The following TMEFF2 variants were observed in gnomAD, a reference collection of about 807,000 sequenced individuals.
TMEFF2 encodes the protein transmembrane protein with EGF like and two follistatin like domains 2.
In TMEFF2, 28 loss-of-function variants were observed where a neutral mutation model predicts 53.8. The observed-to-expected ratio is 0.52, with a 90% confidence interval of 0.39 to 0.71. TMEFF2 has a LOEUF of 0.71. TMEFF2 is among the 30% of genes least tolerant of loss of function. The pLI is 0.00. For synonymous variants in TMEFF2, 162 were observed against 166.3 expected (o/e 0.97, Z 0.20); for missense variants, 353 against 455.2 (o/e 0.78, Z 2.04).
At chr2:192,003,360 C>A (rs1686414319) in intron 5 of TMEFF2, among the ~76,000 whole-genome samples, 1 of 152,144 alleles carries the variant, frequency 6.6e-6, no homozygotes. Flanking sequence ...CAAAGAAAGA[C>A]AGACCCAAAC....
At chr2:192,190,464 T>G (rs989112513) in intron 2 of TMEFF2, among the ~76,000 whole-genome samples, 4 of 152,092 alleles carry the variant, frequency 2.6e-5, no homozygotes, top group African/African-American at 9.7e-5. Flanking sequence ...AATTGGGGAG[T>G]TCTCATACTC....
intron 2 of TMEFF2, among the ~76,000 whole-genome samples, chr2:192,191,639 C>T (rs182576635): frequency 1.3e-5 from 2 of 152,202 alleles, no homozygotes; most frequent in African/African-American, 4.8e-5. Flanking sequence ...CCTTTGACAT[C>T]CCAAAAGCAC....
rs780502429 is a variant in TMEFF2 at position 192,015,945 on chromosome 2, TAGA to T, written c.537-16740_537-16738del. ...ATAGGCTTATAGTCTTAGAAAATGATAGAAGTTTTCACAGGACAAGACACTTAA... is the reference window on the plus strand; with the variant it reads ...ATAGGCTTATAGTCTTAGAAAATGATAGTTTTCACAGGACAAGACACTTAA... On this transcript the variant is annotated intron_variant, in intron 5 of 9. Transcript: ENST00000272771. Among the ~76,000 whole-genome samples the T allele has an allele frequency of 2.2e-4, 34 of 152,324 alleles. 4 individuals are homozygous for T. The highest frequency in any genetic ancestry group is 1.8e-3 in the Admixed American group (28 of 15,310).
intron 4 of TMEFF2, among the ~76,000 whole-genome samples, chr2:192,097,142 T>C (rs1688931582): frequency 6.6e-6 from 1 of 152,232 alleles, no homozygotes; most frequent in South Asian, 2.1e-4. Flanking sequence ...CTTATAAGTA[T>C]TTATTGAGAT....
chr2:192,129,454 A>C (rs1431302775), intron 4 of TMEFF2, among the ~76,000 whole-genome samples: 2 of 152,100 alleles, frequency 1.3e-5, no homozygotes, highest in Non-Finnish European at 2.9e-5. Flanking sequence ...AGGAAAAAAG[A>C]CACTCTTAGA....
chr2:192,160,711 A>C (rs1690612356), intron 4 of TMEFF2, among the ~76,000 whole-genome samples: 1 of 152,184 alleles, frequency 6.6e-6, no homozygotes, highest in African/African-American at 2.4e-5. Flanking sequence ...ACCATGATGT[A>C]TATAGATGTA....
rs780253211 is a variant in TMEFF2, at chr2:192,194,396, G to C, written c.129C>G (p.Thr43=). The C allele has an allele frequency of 6.2e-7, 1 of 1,614,056 alleles. No individual in the cohort carries two copies. Among genetic ancestry groups the C allele is most frequent in the Non-Finnish European group, 8.5e-7 (1 of 1,180,038 alleles). ...TGGGCGTTTGGCAGTCACTTAAGGA[G>C]GTAGGGAAAGCAGCGAGCTTCACCG... is the stretch of plus-strand genomic sequence containing the variant. The part of the protein sequence containing the change: ...ARPVKLAAFP[T]SLSDCQTPTG... Residue 43 remains threonine (T), a synonymous_variant, in exon 1 of 10, where the codon ACC becomes ACG. Transcript: ENST00000272771. This position sits in a 1 kb window ranked among gnomAD's most constrained non-coding sequence, Gnocchi z 4.2.
In TMEFF2 at chr2:192,130,542, C is replaced by A. The variant is rs138861023; in HGVS notation, c.439+49126G>T. On this transcript the variant is annotated intron_variant, in intron 4 of 9. Coordinates refer to ENST00000272771, the MANE Select transcript of TMEFF2 (RefSeq NM_016192.4). ...TCCACCATTGTGATTTGTTCCTGCC[C>A]CACCTTAACTGAGCGATTAACCCTG... is the stretch of plus-strand genomic sequence containing the variant. Among the ~76,000 whole-genome samples, 1,118 of 152,218 alleles carry A rather than the reference C, an allele frequency of 7.3e-3. 6 individuals are homozygous for A. The highest frequency in any genetic ancestry group is 0.016 in the Admixed American group (245 of 15,298).
intron 4 of TMEFF2, among the ~76,000 whole-genome samples, chr2:192,079,883 G>T (rs1688513583): frequency 6.6e-6 from 1 of 152,110 alleles, no homozygotes; most frequent in Non-Finnish European, 1.5e-5. Context: ...TGAGTACCAT[G>T]ATACATGATA....
chr2:192,116,282 C>T (rs1240335971), intron 4 of TMEFF2, among the ~76,000 whole-genome samples: 1 of 151,888 alleles, frequency 6.6e-6, no homozygotes, highest in Admixed American at 6.6e-5. Context: ...AAGAGTCAAA[C>T]TCATGGAAAC....
chr2:192,160,765 A>G (rs1015803244), intron 4 of TMEFF2, among the ~76,000 whole-genome samples: 2 of 152,208 alleles, frequency 1.3e-5, no homozygotes, highest in Non-Finnish European at 2.9e-5. Context: ...ATGGAAAAGG[A>G]TGTGCAGAAA....
intron 4 of TMEFF2, among the ~76,000 whole-genome samples, chr2:192,062,764 A>G (rs1688075628): frequency 6.6e-6 from 1 of 152,028 alleles, no homozygotes; most frequent in Non-Finnish European, 1.5e-5. Context: ...TTCATTTGCT[A>G]ATATTTTGTA....
intron 4 of TMEFF2, among the ~76,000 whole-genome samples, chr2:192,158,754 C>G (rs1045734687): frequency 3.3e-5 from 5 of 152,088 alleles, no homozygotes; most frequent in African/African-American, 9.7e-5. Context: ...ACAGAATGAT[C>G]CACTGAAATC....
At chr2:191,969,367 AG>A (rs1692566182) in intron 7 of TMEFF2, among the ~76,000 whole-genome samples, 1 of 152,134 alleles carries the variant, frequency 6.6e-6, no homozygotes, top group Non-Finnish European at 1.5e-5. Context: ...ATGTCCATAA[AG>A]GTACAATCAA....
rs897551286 is a variant in TMEFF2, at chr2:192,156,780, G to A, written c.439+22888C>T. Among the ~76,000 whole-genome samples, 6 of 151,942 alleles carry A rather than the reference G, an allele frequency of 3.9e-5. No individual in the cohort carries two copies. The East Asian group carries it at 5.8e-4, about 15-fold the overall frequency. On this transcript the variant is annotated intron_variant, in intron 4 of 9. Transcript: ENST00000272771. ...TCTCACCTGTAAGCCAGCATATACC[G>A]TATCTACAGACTGAAATGCTATTTA...
chr2:192,128,435 T>C (rs1689730404), intron 4 of TMEFF2, among the ~76,000 whole-genome samples: 1 of 152,234 alleles, frequency 6.6e-6, no homozygotes, highest in Non-Finnish European at 1.5e-5. Context: ...GAAATGATTT[T>C]CCTTTATAAA....
At chr2:192,082,405 A>G (rs1285965322) in intron 4 of TMEFF2, among the ~76,000 whole-genome samples, 1 of 152,166 alleles carries the variant, frequency 6.6e-6, no homozygotes, top group African/African-American at 2.4e-5. Flanking sequence ...CATGCTAAAT[A>G]TTACCTACTT....
At chr2:192,159,207 T>G (rs755418746) in intron 4 of TMEFF2, among the ~76,000 whole-genome samples, 1 of 152,168 alleles carries the variant, frequency 6.6e-6, no homozygotes, top group Non-Finnish European at 1.5e-5. Flanking sequence ...GCTACCGTTA[T>G]TTGTAGTTAA....
intron 4 of TMEFF2, among the ~76,000 whole-genome samples, chr2:192,102,697 C>T (rs1285443030): frequency 4.0e-5 from 5 of 124,760 alleles, no homozygotes; most frequent in African/African-American, 6.2e-5. Flanking sequence ...GGTATGATCT[C>T]GGCTCACCTG....
Sources: gnomAD v4.1 joint callset for allele counts (sites outside exome capture counted in the v4.1 genomes callset) on GRCh38, gnomAD v4.1.1 for gene constraint, Gnocchi (gnomAD v3.1) non-coding constraint, MANE v1.5 for transcripts, NCBI Gene and HGNC (gene_info 2026-07-23, HGNC 2026-07-21) for gene names.